RBM18: variants seen among roughly 807,000 people sequenced by gnomAD.
RBM18 encodes the protein RNA binding motif protein 18, also known as probable RNA-binding protein 18.
A neutral mutation model predicts 26.4 loss-of-function variants in RBM18; 18 were observed. That is an observed-to-expected ratio of 0.68 (90% CI 0.47 to 1.01). The LOEUF is 1.01. Ranked by LOEUF, RBM18 falls within the 50% of genes least tolerant of loss-of-function variation. RBM18 has a pLI of 0.00. For missense variants in RBM18, 180 were observed against 219.2 expected (o/e 0.82, Z 1.13); for synonymous variants, 74 against 81.1 (o/e 0.91, Z 0.47).
At position 122,239,102 on chromosome 9, in the gene RBM18, A is replaced by G. The variant is rs1183599586; in HGVS notation, c.*2782T>C. 2 of 152,254 alleles carry G rather than the reference A, an allele frequency of 1.3e-5. No homozygotes were observed. Among genetic ancestry groups the G allele is most frequent in the Non-Finnish European group, 2.9e-5 (2 of 68,046 alleles). The allele number at this position is 152,254 out of a possible 1,614,324, so 9.4% of individuals were successfully genotyped here. ...CCTGTTCTTTTATGTAGTAGTATAA[A>G]AGAATCACAGATATATTTGTTGATT... On this transcript the variant is annotated 3_prime_UTR_variant, in exon 6 of 6. Coordinates refer to ENST00000417201, the MANE Select transcript of RBM18 (RefSeq NM_033117.4).
At chr9:122,263,192 G>A (rs1831853006) in intron 1 of RBM18, among the ~76,000 whole-genome samples, 1 of 152,324 alleles carries the variant, frequency 6.6e-6, no homozygotes, top group African/African-American at 2.4e-5. Context: ...TAGCACAGCA[G>A]TCCCTAGGTA....
At chr9:122,261,985 A>G (rs1392332407) in intron 1 of RBM18, among the ~76,000 whole-genome samples, 4 of 152,210 alleles carry the variant, frequency 2.6e-5, no homozygotes, top group Non-Finnish European at 5.9e-5. Context: ...GAGGCAATAT[A>G]AGAAATCTGT....
intron 1 of RBM18, among the ~76,000 whole-genome samples, chr9:122,263,573 G>A (rs2118983064): frequency 6.6e-6 from 1 of 152,250 alleles, no homozygotes; most frequent in East Asian, 1.9e-4. Context: ...ATTTGGAAGG[G>A]GAGCAGGACA....
chr9:122,263,033 A>T (rs1831840724), intron 1 of RBM18, among the ~76,000 whole-genome samples: 1 of 152,218 alleles, frequency 6.6e-6, no homozygotes, highest in South Asian at 2.1e-4. Flanking sequence ...CTGGGAGGAC[A>T]GCAGGCTGTG....
chr9:122,254,802 G>A (rs1831663006), intron 2 of RBM18, among the ~76,000 whole-genome samples: 2 of 152,204 alleles, frequency 1.3e-5, no homozygotes, highest in Non-Finnish European at 2.9e-5. Flanking sequence ...AGAGAGAGAT[G>A]TAATCAAACA....
chr9:122,259,792 C>T (rs1831756755), intron 2 of RBM18, among the ~76,000 whole-genome samples: 1 of 152,128 alleles, frequency 6.6e-6, no homozygotes, highest in Non-Finnish European at 1.5e-5. Flanking sequence ...CTCCCAGGTT[C>T]AAGCAATTTT....
At chr9:122,247,910 G>A (rs1465531206) in intron 3 of RBM18, among the ~76,000 whole-genome samples, 4 of 149,672 alleles carry the variant, frequency 2.7e-5, no homozygotes, top group African/African-American at 7.3e-5. Flanking sequence ...TCAGCCTCCC[G>A]AATAGCTGGG....
rs570070555 is a variant in RBM18 at position 122,261,048 on chromosome 9, A to G, written c.113+332T>C. Among the ~76,000 whole-genome samples the G allele has an allele frequency of 1.6e-4, 25 of 152,172 alleles. No homozygotes were observed. In the South Asian group the frequency reaches 5.2e-3, roughly 32 times the overall value. On this transcript the variant is annotated intron_variant, in intron 2 of 5. Coordinates refer to ENST00000417201, the MANE Select transcript of RBM18 (RefSeq NM_033117.4). Reference sequence around the variant, plus strand: ...TGCTTGTTCCTTTATTCTGGGTACAAATGTATTCCCAAGGCTGATTCTAGA... The same window carrying G: ...TGCTTGTTCCTTTATTCTGGGTACAGATGTATTCCCAAGGCTGATTCTAGA...
intron 3 of RBM18, among the ~76,000 whole-genome samples, chr9:122,248,936 G>A (rs907808611): frequency 1.3e-5 from 2 of 152,178 alleles, no homozygotes; most frequent in Non-Finnish European, 1.5e-5. Flanking sequence ...TCACTGTGTA[G>A]TAGGCATTGG....
chr9:122,244,954 G>T (rs74526200), intron 5 of RBM18, among the ~76,000 whole-genome samples: 3,573 of 152,286 alleles, frequency 0.023, 143 homozygotes, highest in African/African-American at 0.082. Context: ...TTATTAAAAT[G>T]CTTGTTTTTA....
In RBM18 at chr9:122,241,651, A is replaced by C. The variant is rs1036187065; in HGVS notation, c.*233T>G. 2.5e-6 allele frequency: 1 copy of C among 393,800 alleles called. No individual in the cohort carries two copies. The highest frequency in any genetic ancestry group is 4.0e-5 in the East Asian group (1 of 24,860). 24.4% of individuals were successfully genotyped at this position (393,800 alleles called of 1,614,324 possible). A position where few individuals can be genotyped will look rare whatever the true frequency, so the allele number is the denominator to read the frequency against. On this transcript the variant is annotated 3_prime_UTR_variant, in exon 6 of 6. Coordinates refer to ENST00000417201, the MANE Select transcript of RBM18 (RefSeq NM_033117.4). ...ACCAACCAGCCAATTAGAGCATCCCAGGGTTCAAATCACAATTTGGGATAC... is the reference window on the plus strand; with the variant it reads ...ACCAACCAGCCAATTAGAGCATCCCCGGGTTCAAATCACAATTTGGGATAC...
At chr9:122,263,975 C>A (rs1198188130) in intron 1 of RBM18, among the ~76,000 whole-genome samples, 1 of 152,200 alleles carries the variant, frequency 6.6e-6, no homozygotes, top group African/African-American at 2.4e-5. Context: ...ATCATAGCCA[C>A]TTTTCCATCT....
intron 3 of RBM18, 106 bp from the exon 4 acceptor site, chr9:122,247,710 T>C: frequency 1.2e-6 from 1 of 836,274 alleles, no homozygotes; most frequent in Non-Finnish European, 2.0e-6. Context: ...TCTAACAAAT[T>C]GTTTTTGGTA....
At chr9:122,251,469 A>G (rs554492605) in intron 3 of RBM18, among the ~76,000 whole-genome samples, 1 of 152,336 alleles carries the variant, frequency 6.6e-6, no homozygotes, top group African/African-American at 2.4e-5. Context: ...GTGTCTCATC[A>G]CAGATAGGTT....
chr9:122,249,490 G>C lies in RBM18; in HGVS notation c.241-1886C>G, dbSNP rs150034727. 6.3e-3 allele frequency among the ~76,000 whole-genome samples: 956 copies of C among 152,132 alleles called. 4 individuals are homozygous for C. The highest frequency in any genetic ancestry group is 0.012 in the South Asian group (56 of 4,810). ...CACTTTGGGAGGCCGAAGCAGGCTG[G>C]TTGCTTGAGCCCAGGAGTTTGATCA... On this transcript the variant is annotated intron_variant, in intron 3 of 5. Transcript: ENST00000417201.
intron 3 of RBM18, among the ~76,000 whole-genome samples, chr9:122,249,435 G>A (rs1019374060): frequency 3.3e-5 from 5 of 152,090 alleles, no homozygotes; most frequent in East Asian, 1.9e-4. Flanking sequence ...TTCCCAGGCC[G>A]GGCATGGTGG....
chr9:122,243,257 C>A (rs1457714484), intron 5 of RBM18, among the ~76,000 whole-genome samples: 1 of 152,186 alleles, frequency 6.6e-6, no homozygotes, highest in Non-Finnish European at 1.5e-5. Flanking sequence ...CAGGCATGAG[C>A]CACTGCACTC....
At position 122,238,102 on chromosome 9, in the gene RBM18, C is replaced by G. The variant is rs1023926070; in HGVS notation, c.*3782G>C. On this transcript the variant is annotated 3_prime_UTR_variant, in exon 6 of 6. Transcript: ENST00000417201. ...ATTAACCAGGTGACCCTGGCCAAAT[C>G]GCTTTGTCTCTCTGGGTTCCCGTTT... is the stretch of plus-strand genomic sequence containing the variant. The G allele has an allele frequency of 6.6e-6, 1 of 152,196 alleles. No individual in the cohort carries two copies. The highest frequency in any genetic ancestry group is 1.5e-5 in the Non-Finnish European group (1 of 68,034). 9.4% of individuals were successfully genotyped at this position (152,196 alleles called of 1,614,324 possible).
intron 1 of RBM18, among the ~76,000 whole-genome samples, chr9:122,263,862 A>G (rs1033250291): frequency 3.3e-5 from 5 of 152,168 alleles, no homozygotes; most frequent in South Asian, 2.1e-4. Context: ...TCAAATCCTG[A>G]CTTTTGCACC....
Sources: gnomAD v4.1 joint callset for allele counts (sites outside exome capture counted in the v4.1 genomes callset) on GRCh38, gnomAD v4.1.1 for gene constraint, MANE v1.5 for transcripts, NCBI Gene and HGNC (gene_info 2026-07-23, HGNC 2026-07-21) for gene names.